The following ZNF536 variants were observed in gnomAD, a reference collection of about 807,000 sequenced individuals.
ZNF536 encodes the protein zinc finger protein 536.
ZNF536 carries 13 observed loss-of-function variants against 84.5 expected under a neutral mutation model. That is an observed-to-expected ratio of 0.15 (90% CI 0.10 to 0.24). The LOEUF (loss-of-function observed/expected upper bound fraction) is 0.24. ZNF536 is among the 10% of genes least tolerant of loss of function. ZNF536 has a pLI of 1.00. For missense variants in ZNF536, 1,536 were observed against 1,747.5 expected (o/e 0.88, Z 2.16); for synonymous variants, 811 against 742.5 (o/e 1.09, Z -1.50).
intron 1 of ZNF536, among the ~76,000 whole-genome samples, chr19:30,685,765 G>A (rs768287748): frequency 2.2e-4 from 34 of 152,284 alleles, no homozygotes; most frequent in African/African-American, 7.5e-4. Flanking sequence ...CGCTGCCGCC[G>A]TCCTCCCCTC....
At chr19:30,700,359 C>T (rs2051887604) in intron 1 of ZNF536, among the ~76,000 whole-genome samples, 1 of 146,258 alleles carries the variant, frequency 6.8e-6, no homozygotes, top group Non-Finnish European at 1.5e-5. Context: ...TCCTTCCTTC[C>T]TTCCTTCCTC....
intron 1 of ZNF536, among the ~76,000 whole-genome samples, chr19:30,259,759 CT>C (rs202196249): frequency 6.0e-5 from 9 of 151,176 alleles, no homozygotes; most frequent in South Asian, 2.1e-4. Context: ...TCGGGTGCTT[CT>C]TTTTTTTTCT....
chr19:30,586,719 T>C (rs1568577802), intron 1 of ZNF536, among the ~76,000 whole-genome samples: 1 of 152,196 alleles, frequency 6.6e-6, no homozygotes. Flanking sequence ...ACCTGTAAAA[T>C]AGTGTGTGGA....
At chr19:30,270,643 G>T (rs754711907) in intron 1 of ZNF536, among the ~76,000 whole-genome samples, 8 of 152,288 alleles carry the variant, frequency 5.3e-5, no homozygotes, top group Non-Finnish European at 1.2e-4. Context: ...TCATGTGACG[G>T]TTTGGTGAAT....
intron 2 of ZNF536, among the ~76,000 whole-genome samples, chr19:30,502,904 A>T (rs1015578770): frequency 6.6e-6 from 1 of 152,188 alleles, no homozygotes; most frequent in Non-Finnish European, 1.5e-5. Flanking sequence ...AGTTAAATGC[A>T]AAACACAAAA....
chr19:30,249,386 A>G (rs1419797464), intron 1 of ZNF536, among the ~76,000 whole-genome samples: 1 of 151,264 alleles, frequency 6.6e-6, no homozygotes, highest in Non-Finnish European at 1.5e-5. Context: ...GAGGGGGAGG[A>G]GGAGGAGGAT....
At chr19:30,427,252 G>A (rs1044012938) in intron 1 of ZNF536, among the ~76,000 whole-genome samples, 8 of 152,162 alleles carry the variant, frequency 5.3e-5, no homozygotes, top group Non-Finnish European at 1.0e-4. Flanking sequence ...CTCTGTGCAA[G>A]GACAGAAGGT....
chr19:30,712,612 T>C (rs2052486201), exon 2 of ZNF536: 1 of 152,170 alleles, frequency 6.6e-6, no homozygotes, highest in African/African-American at 2.4e-5. Flanking sequence ...GAATCCGGTT[T>C]GCATATGCTG....
intron 1 of ZNF536, among the ~76,000 whole-genome samples, chr19:30,589,595 G>A (rs947512011): frequency 2.0e-5 from 3 of 152,138 alleles, no homozygotes; most frequent in Non-Finnish European, 4.4e-5. Context: ...AGGAAGCACA[G>A]GTAGGGGATA....
chr19:30,704,351 A>C (rs1478950438), intron 1 of ZNF536, among the ~76,000 whole-genome samples: 1 of 152,178 alleles, frequency 6.6e-6, no homozygotes, highest in Non-Finnish European at 1.5e-5. Flanking sequence ...TGTTTCATTA[A>C]AAAGAGATAG....
At chr19:30,284,111 G>A (rs143121187) in exon 2 of ZNF536, 1 of 152,312 alleles carries the variant, frequency 6.6e-6, no homozygotes, top group East Asian at 1.9e-4. Context: ...CTTCAACCGG[G>A]AGGGAGATCC....
intron 2 of ZNF536, among the ~76,000 whole-genome samples, chr19:30,472,262 T>C (rs2144656103): frequency 6.6e-6 from 1 of 150,586 alleles, no homozygotes; most frequent in South Asian, 2.1e-4. Context: ...ATGTACATTA[T>C]TGGTCAGCAT....
At chr19:30,594,216 C>T (rs1335385594) in intron 1 of ZNF536, among the ~76,000 whole-genome samples, 12 of 152,220 alleles carry the variant, frequency 7.9e-5, no homozygotes, top group African/African-American at 2.9e-4. Context: ...GTCACCATGC[C>T]CAGGAACAGG....
At chr19:30,367,205 G>T (rs1395472603) in intron 3 of ZNF536, among the ~76,000 whole-genome samples, 2 of 152,176 alleles carry the variant, frequency 1.3e-5, no homozygotes, top group Non-Finnish European at 2.9e-5. Flanking sequence ...GGGGTGCTTG[G>T]GACGTTCCGT....
At chr19:30,707,352 C>T (rs1429885894) in intron 1 of ZNF536, among the ~76,000 whole-genome samples, 2 of 152,134 alleles carry the variant, frequency 1.3e-5, no homozygotes, top group Admixed American at 6.5e-5. Flanking sequence ...TTTGTATAAT[C>T]GAAAATTTGC....
intron 1 of ZNF536, among the ~76,000 whole-genome samples, chr19:30,379,193 G>A (rs1182777360): frequency 1.3e-5 from 2 of 152,166 alleles, no homozygotes; most frequent in Admixed American, 6.5e-5. Context: ...TGACAATACC[G>A]TGGGAAGGTT....
In ZNF536 at chr19:30,445,212, C is replaced by T. The variant is rs1366666974; in HGVS notation, c.1650C>T (p.Asp550=). 1 of 1,614,178 alleles carries T rather than the reference C, an allele frequency of 6.2e-7. No homozygotes were observed. ...ATCCGCTGCAGCGCAACCACGAAGACACTTTGGCAAACGCCGGGGTTCTGT... is the reference window on the plus strand; with the variant it reads ...ATCCGCTGCAGCGCAACCACGAAGATACTTTGGCAAACGCCGGGGTTCTGT... ...KEHPLQRNHE[D]TLANAGVLFD... The change falls in exon 2 of 5, where the codon GAC becomes GAT. Residue 550 remains aspartate (D), a synonymous_variant. Coordinates refer to ENST00000355537, the MANE Select transcript of ZNF536 (RefSeq NM_014717.3). The surrounding 1 kb of genome is among the most constrained non-coding windows in gnomAD (Gnocchi z 4.5).
At chr19:30,262,786 A>G (rs1456923639) in intron 1 of ZNF536, among the ~76,000 whole-genome samples, 14 of 152,170 alleles carry the variant, frequency 9.2e-5, no homozygotes, top group Non-Finnish European at 2.1e-4. Context: ...CGATGCCCAC[A>G]CTGCCTCCTT....
chr19:30,468,373 A>G (rs1344531589), intron 2 of ZNF536, among the ~76,000 whole-genome samples: 1 of 152,164 alleles, frequency 6.6e-6, no homozygotes, highest in East Asian at 1.9e-4. Context: ...CCCCAGCTCG[A>G]ACGCCAAGCT....
Sources: gnomAD v4.1 joint callset for allele counts (sites outside exome capture counted in the v4.1 genomes callset) on GRCh38, gnomAD v4.1.1 for gene constraint, Gnocchi (gnomAD v3.1) non-coding constraint, MANE v1.5 for transcripts, NCBI Gene and HGNC (gene_info 2026-07-23, HGNC 2026-07-21) for gene names.